KALRN: variants seen among roughly 807,000 people sequenced by gnomAD.
The protein encoded by KALRN is kalirin RhoGEF kinase, also known as kalirin.
In KALRN, 70 loss-of-function variants were observed where a neutral mutation model predicts 353.7. That is an observed-to-expected ratio of 0.20 (90% CI 0.16 to 0.24). KALRN has a LOEUF of 0.24. Ranked by LOEUF, KALRN falls within the 10% of genes least tolerant of loss-of-function variation. The probability of loss-of-function intolerance (pLI) is 1.00; values close to 1 mark genes in which losing one functional copy is unlikely to be tolerated. For missense variants in KALRN, 2,791 were observed against 3,756.7 expected, an observed-to-expected ratio of 0.74 and a Z score of 6.72; for synonymous variants, 1,391 against 1,434.8, an observed-to-expected ratio of 0.97 and a Z score of 0.69.
intron 5 of KALRN, among the ~76,000 whole-genome samples, chr3:124,287,641 TG>T (rs2076029684): frequency 6.6e-6 from 1 of 151,086 alleles, no homozygotes; most frequent in Admixed American, 6.6e-5. Flanking sequence ...GGGTTAAATA[TG>T]ATACCAGCTA....
intron 9 of KALRN, among the ~76,000 whole-genome samples, chr3:124,341,540 G>C (rs1421112955): frequency 6.6e-6 from 1 of 152,188 alleles, no homozygotes; most frequent in African/African-American, 2.4e-5. Flanking sequence ...CTGCCAAGTG[G>C]GGCAGTGGGG....
chr3:124,684,445 TAAAC>T (rs1351585369), intron 51 of KALRN, among the ~76,000 whole-genome samples: 2 of 152,134 alleles, frequency 1.3e-5, no homozygotes, highest in Non-Finnish European at 2.9e-5. Context: ...AAGTGTAACT[TAAAC>T]AAAAACCACA....
In KALRN at chr3:124,482,915, C is replaced by G; in HGVS notation, c.4284+15C>G. On this transcript the variant is annotated intron_variant, in intron 28 of 59. Transcript: ENST00000682506. ...TGCTCCTGAAGGTACCTCCCCTCCC[C>G]TCTACATCCCCCTCCACTGCCTACT... 6.5e-7 allele frequency: 1 copy of G among 1,532,648 alleles called. No individual in the cohort carries two copies. The highest frequency in any genetic ancestry group is 2.2e-5 in the East Asian group (1 of 44,478). The allele number at this position is 1,532,648 out of a possible 1,614,324, so 94.9% of individuals were successfully genotyped here. A position where few individuals can be genotyped will look rare whatever the true frequency, so the allele number is the denominator to read the frequency against.
At chr3:124,480,200 A>T (rs2061847056) in intron 27 of KALRN, among the ~76,000 whole-genome samples, 1 of 152,144 alleles carries the variant, frequency 6.6e-6, no homozygotes, top group Non-Finnish European at 1.5e-5. Context: ...AAGCTCCCAG[A>T]TAAACTCACA....
intron 31 of KALRN, 134 bp downstream of exon 31, chr3:124,491,558 G>A (rs190629279): frequency 5.1e-5 from 27 of 527,964 alleles, no homozygotes; most frequent in East Asian, 5.1e-4. Context: ...GCAGCATCAC[G>A]TGGGCATTGA....
At chr3:124,420,651 G>A (rs1163942284) in intron 14 of KALRN, among the ~76,000 whole-genome samples, 2 of 152,076 alleles carry the variant, frequency 1.3e-5, no homozygotes, top group Non-Finnish European at 2.9e-5. Flanking sequence ...CAGGAGCTAG[G>A]ACTTGGAATT....
At chr3:124,544,417 C>G (rs1157893401) in intron 33 of KALRN, among the ~76,000 whole-genome samples, 1 of 152,068 alleles carries the variant, frequency 6.6e-6, no homozygotes, top group African/African-American at 2.4e-5. Flanking sequence ...AAAAATGAGT[C>G]AGGCGTGGTG....
chr3:124,395,408 C>A, intron 12 of KALRN, 65 bp downstream of exon 12: 1 of 1,369,174 alleles, frequency 7.3e-7, no homozygotes, highest in East Asian at 2.5e-5. Flanking sequence ...AGTCCTGTCC[C>A]AGTCTTGACT....
At chr3:124,207,351 G>A (rs2076502944) in intron 1 of KALRN, among the ~76,000 whole-genome samples, 1 of 152,204 alleles carries the variant, frequency 6.6e-6, no homozygotes, top group Non-Finnish European at 1.5e-5. Flanking sequence ...CTAGCTGTAA[G>A]TTGCTAATTA....
chr3:124,229,547 G>A (rs748468871), intron 2 of KALRN, among the ~76,000 whole-genome samples: 6 of 152,256 alleles, frequency 3.9e-5, no homozygotes, highest in Non-Finnish European at 7.3e-5. Flanking sequence ...CAGTCCTGTA[G>A]AGCAGAGGTT....
chr3:124,329,363 C>T (rs533725883), intron 7 of KALRN, among the ~76,000 whole-genome samples: 13 of 152,278 alleles, frequency 8.5e-5, no homozygotes, highest in African/African-American at 3.1e-4. Context: ...ATGGGATGGT[C>T]TCTGCAAGTT....
At chr3:124,621,281 T>C (rs1052507021) in intron 34 of KALRN, among the ~76,000 whole-genome samples, 2 of 152,166 alleles carry the variant, frequency 1.3e-5, no homozygotes, top group Non-Finnish European at 2.9e-5. Context: ...GTACTTTTAA[T>C]TTAATGGGAA....
chr3:124,304,127 AACACACACACACACAC>A (rs3055892), intron 6 of KALRN, among the ~76,000 whole-genome samples: 2 of 147,390 alleles, frequency 1.4e-5, no homozygotes, highest in South Asian at 2.2e-4. Flanking sequence ...TTTTGTTGTA[AACACACACACACACAC>A]ACACACACAC....
chr3:124,638,972 G>A (rs916540822), intron 37 of KALRN, among the ~76,000 whole-genome samples: 1 of 152,132 alleles, frequency 6.6e-6, no homozygotes, highest in Non-Finnish European at 1.5e-5. Context: ...ATCAAAGTTT[G>A]GGAATCACTG....
At chr3:124,348,742 C>G (rs925358667) in intron 10 of KALRN, among the ~76,000 whole-genome samples, 2 of 152,028 alleles carry the variant, frequency 1.3e-5, no homozygotes, top group African/African-American at 4.8e-5. Context: ...TTTTTTGAGA[C>G]AGTCTCGCTC....
chr3:124,622,831 C>T (rs2079430716), intron 34 of KALRN, among the ~76,000 whole-genome samples: 1 of 152,142 alleles, frequency 6.6e-6, no homozygotes, highest in South Asian at 2.1e-4. Context: ...AAAGTATTCG[C>T]CAGAGCCTAT....
At chr3:124,312,253 CGGGTTCAA>C (rs1455022218) in intron 6 of KALRN, among the ~76,000 whole-genome samples, 3 of 152,110 alleles carry the variant, frequency 2.0e-5, no homozygotes, top group Non-Finnish European at 4.4e-5. Flanking sequence ...CTCTGCCTCC[CGGGTTCAA>C]GTGATTCTTA....
At chr3:124,624,492 T>C (rs571098461) in intron 34 of KALRN, among the ~76,000 whole-genome samples, 1 of 152,306 alleles carries the variant, frequency 6.6e-6, no homozygotes, top group African/African-American at 2.4e-5. Flanking sequence ...ATCCCTTCCC[T>C]CATGGATAAG....
intron 12 of KALRN, among the ~76,000 whole-genome samples, chr3:124,396,478 C>T (rs903563592): frequency 6.6e-6 from 1 of 152,124 alleles, no homozygotes; most frequent in Admixed American, 6.5e-5. Context: ...GTGTGCCTCC[C>T]TAGGAAACTC....
Sources: allele counts gnomAD v4.1 joint callset (sites outside exome capture counted in the v4.1 genomes callset), GRCh38; gene constraint gnomAD v4.1.1; transcripts MANE v1.5; gene names NCBI Gene and HGNC (gene_info 2026-07-23, HGNC 2026-07-21).